MAGI2: variants seen among roughly 807,000 people sequenced by gnomAD.
MAGI2 encodes membrane-associated guanylate kinase, WW and PDZ domain-containing protein 2.
MAGI2 carries 35 observed loss-of-function variants against 133.3 expected under a neutral mutation model. That is an observed-to-expected ratio of 0.26 (90% CI 0.20 to 0.35). The LOEUF is 0.35. Ranked by LOEUF, MAGI2 falls within the 10% of genes least tolerant of loss-of-function variation. The probability of loss-of-function intolerance (pLI) is 1.00; values close to 1 mark genes in which losing one functional copy is unlikely to be tolerated. For missense variants in MAGI2, 1,636 were observed against 1,863.4 expected, an observed-to-expected ratio of 0.88 and a Z score of 2.25; for synonymous variants, 729 against 710.6, an observed-to-expected ratio of 1.03 and a Z score of -0.41.
intron 2 of MAGI2, among the ~76,000 whole-genome samples, chr7:78,693,573 T>C (rs892796665): frequency 2.6e-5 from 4 of 152,180 alleles, no homozygotes; most frequent in Admixed American, 2.0e-4. Flanking sequence ...TATTTGCTTC[T>C]TGCTAAATAC....
intron 3 of MAGI2, among the ~76,000 whole-genome samples, chr7:78,582,515 C>T (rs541436422): frequency 2.6e-5 from 4 of 152,278 alleles, no homozygotes; most frequent in African/African-American, 9.6e-5. Flanking sequence ...ATTTGCTAGA[C>T]CATCCTTTAC....
At position 78,978,396 on chromosome 7, in the gene MAGI2, T is replaced by C. The variant is rs60067550; in HGVS notation, c.418+28694A>G. On this transcript the variant is annotated intron_variant, in intron 2 of 21. Coordinates refer to ENST00000354212, the MANE Select transcript of MAGI2 (RefSeq NM_012301.4). ...CATGCATGAATTGTCAACCCATTTT[T>C]CTAAGTGAAAGTTGGTCAGAAAGCT... 6.5e-3 allele frequency among the ~76,000 whole-genome samples: 989 copies of C among 152,026 alleles called. 18 individuals carry two copies. Among genetic ancestry groups the C allele is most frequent in the African/African-American group, 0.023 (952 of 41,532 alleles).
intron 4 of MAGI2, 120 bp downstream of exon 4, chr7:78,521,310 T>G (rs1796481505): frequency 1.7e-6 from 1 of 589,648 alleles, no homozygotes; most frequent in Non-Finnish European, 2.9e-6. Flanking sequence ...AAGAAATATA[T>G]ATGTATATAT....
At chr7:79,266,866 C>G (rs1281283026) in intron 1 of MAGI2, among the ~76,000 whole-genome samples, 1 of 152,060 alleles carries the variant, frequency 6.6e-6, no homozygotes. Flanking sequence ...CCTAAAGAAA[C>G]TAAAGGATAA....
At chr7:78,297,106 G>A (rs1045815026) in intron 9 of MAGI2, among the ~76,000 whole-genome samples, 3 of 152,192 alleles carry the variant, frequency 2.0e-5, no homozygotes, top group Admixed American at 2.0e-4. Context: ...GTAAGGTGGT[G>A]GAGTATAACT....
chr7:79,227,847 G>A (rs1370328457), intron 1 of MAGI2, among the ~76,000 whole-genome samples: 2 of 152,060 alleles, frequency 1.3e-5, no homozygotes, highest in African/African-American at 2.4e-5. Flanking sequence ...TTTCTTCTTG[G>A]TTGCTCCTCA....
chr7:78,550,684 T>A (rs747619644), intron 3 of MAGI2, among the ~76,000 whole-genome samples: 8 of 152,182 alleles, frequency 5.3e-5, no homozygotes, highest in Admixed American at 1.3e-4. Context: ...ATACTGTTTT[T>A]TACATTAATG....
intron 3 of MAGI2, among the ~76,000 whole-genome samples, chr7:78,573,262 A>AT (rs1491507693): frequency 0.025 from 439 of 17,908 alleles, 4 homozygotes; most frequent in Non-Finnish European, 0.036. Context: ...ATATAAATAT[A>AT]AATATATATA....
At chr7:78,459,738 G>A (rs1023472338) in intron 6 of MAGI2, among the ~76,000 whole-genome samples, 4 of 152,130 alleles carry the variant, frequency 2.6e-5, no homozygotes, top group South Asian at 2.1e-4. Flanking sequence ...ATATTTCAAC[G>A]AATAAGCAAA....
intron 1 of MAGI2, among the ~76,000 whole-genome samples, chr7:79,117,715 G>A (rs1468333027): frequency 6.6e-6 from 1 of 152,046 alleles, no homozygotes; most frequent in Non-Finnish European, 1.5e-5. Flanking sequence ...AACTTACACA[G>A]GTACTTTGAA....
At chr7:78,217,451 T>C (rs112389947) in intron 10 of MAGI2, among the ~76,000 whole-genome samples, 2 of 152,228 alleles carry the variant, frequency 1.3e-5, no homozygotes, top group African/African-American at 4.8e-5. Context: ...TTTTTACCAA[T>C]ACTCAATTTT....
At chr7:79,360,459 T>C (rs1254181499) in intron 1 of MAGI2, among the ~76,000 whole-genome samples, 1 of 152,060 alleles carries the variant, frequency 6.6e-6, no homozygotes, top group Non-Finnish European at 1.5e-5. Flanking sequence ...CAAAAGAAGC[T>C]GTAACATAGG....
At chr7:78,546,686 CT>C (rs1798874041) in intron 3 of MAGI2, among the ~76,000 whole-genome samples, 2 of 151,786 alleles carry the variant, frequency 1.3e-5, no homozygotes, top group African/African-American at 4.8e-5. Context: ...ATCTCTCTCT[CT>C]CTCTCTCTCT....
intron 20 of MAGI2, among the ~76,000 whole-genome samples, chr7:78,104,182 AG>A (rs1340073234): frequency 4.6e-5 from 7 of 152,110 alleles, no homozygotes; most frequent in Non-Finnish European, 1.0e-4. Flanking sequence ...GGAATGGAGC[AG>A]GGGAGCAGCT....
At chr7:78,932,239 T>C (rs1800188158) in intron 2 of MAGI2, among the ~76,000 whole-genome samples, 1 of 152,138 alleles carries the variant, frequency 6.6e-6, no homozygotes, top group Non-Finnish European at 1.5e-5. Flanking sequence ...CTTTTGTTGT[T>C]CTATTCTTTG....
chr7:79,275,131 AG>A (rs1466884783), intron 1 of MAGI2, among the ~76,000 whole-genome samples: 5 of 152,182 alleles, frequency 3.3e-5, no homozygotes, highest in African/African-American at 1.2e-4. Flanking sequence ...TAAGTCAAAA[AG>A]TAGAAATGAT....
At chr7:78,438,556 G>A (rs1367861817) in intron 6 of MAGI2, among the ~76,000 whole-genome samples, 1 of 152,144 alleles carries the variant, frequency 6.6e-6, no homozygotes, top group Non-Finnish European at 1.5e-5. Context: ...TGAGCGTGCT[G>A]TTTTACGGTG....
At chr7:78,126,193 G>GGGGTGT (rs1554461464) in intron 19 of MAGI2, among the ~76,000 whole-genome samples, 1 of 149,010 alleles carries the variant, frequency 6.7e-6, no homozygotes, top group Non-Finnish European at 1.5e-5. Context: ...ATAAATGTCA[G>GGGGTGT]GTGTGTGTGT....
At chr7:78,284,440 GTTTTC>G (rs1391128203) in intron 9 of MAGI2, among the ~76,000 whole-genome samples, 2 of 129,420 alleles carry the variant, frequency 1.5e-5, no homozygotes, top group Admixed American at 7.8e-5. Flanking sequence ...GAAAGGGGAG[GTTTTC>G]TTTTCTTTTT....
Sources: allele counts gnomAD v4.1 joint callset (sites outside exome capture counted in the v4.1 genomes callset), GRCh38; gene constraint gnomAD v4.1.1; transcripts MANE v1.5; gene names NCBI Gene and HGNC (gene_info 2026-07-23, HGNC 2026-07-21).